The following PALM2AKAP2 variants were observed in gnomAD, a reference collection of about 807,000 sequenced individuals.
PALM2AKAP2 encodes the protein PALM2 and AKAP2 fusion, also known as PALM2-AKAP2 fusion protein.
A neutral mutation model predicts 71.5 loss-of-function variants in PALM2AKAP2; 37 were observed. That is an observed-to-expected ratio of 0.52 (90% CI 0.40 to 0.68). PALM2AKAP2 has a LOEUF of 0.68. PALM2AKAP2 is among the 30% of genes least tolerant of loss of function. PALM2AKAP2 has a pLI of 0.00. For synonymous variants in PALM2AKAP2, 468 were observed against 478.8 expected (o/e 0.98, Z 0.29); for missense variants, 1,224 against 1,191.8 (o/e 1.03, Z -0.40).
intron 1 of PALM2AKAP2, among the ~76,000 whole-genome samples, chr9:109,727,480 A>ATTACC (rs1828492908): frequency 6.6e-6 from 1 of 151,708 alleles, no homozygotes; most frequent in Non-Finnish European, 1.5e-5. Context: ...ACATTAAAAA[A>ATTACC]TTATTTTATA....
At chr9:110,111,391 C>T (rs1564311059) in intron 1 of PALM2AKAP2, among the ~76,000 whole-genome samples, 1 of 152,138 alleles carries the variant, frequency 6.6e-6, no homozygotes, top group Non-Finnish European at 1.5e-5. Context: ...CTACACCTGG[C>T]CTCAAGAAGT....
intron 1 of PALM2AKAP2, among the ~76,000 whole-genome samples, chr9:110,055,611 T>G (rs887241108): frequency 2.0e-5 from 3 of 152,190 alleles, no homozygotes; most frequent in Admixed American, 6.5e-5. Flanking sequence ...GTATTGGGAA[T>G]TAGTCTTCAA....
At position 110,057,380 on chromosome 9, in the gene PALM2AKAP2, TG is replaced by T. The variant is rs1159856428; in HGVS notation, c.156+8526del. On this transcript the variant is annotated intron_variant, in intron 1 of 3. Transcript: ENST00000374525. ...GCTCCTTCTCTGTTTTTTTTTTTTT[TG>T]TTTTTTTGTTTTTTTTTTTGCAACA... Among the ~76,000 whole-genome samples the T allele has an allele frequency of 4.3e-3, 365 of 84,596 alleles. 4 individuals are homozygous for T. The South Asian group carries it at 0.072, about 17-fold the overall frequency. 55.5% of individuals were successfully genotyped at this position (84,596 alleles called of 152,430 possible).
At chr9:110,171,436 T>A (rs759611589) in exon 4 of PALM2AKAP2, 1 of 152,262 alleles carries the variant, frequency 6.6e-6, no homozygotes, top group Non-Finnish European at 1.5e-5. Context: ...TCCGGATTAC[T>A]GCTGTCTATC....
chr9:109,754,462 G>A (rs1828929047), intron 1 of PALM2AKAP2, among the ~76,000 whole-genome samples: 1 of 152,142 alleles, frequency 6.6e-6, no homozygotes, highest in South Asian at 2.1e-4. Context: ...AGTATACAGT[G>A]TTGTTAATTA....
chr9:109,675,713 C>A lies in PALM2AKAP2; in HGVS notation c.5+34847C>A, dbSNP rs543811641. Among the ~76,000 whole-genome samples the A allele has an allele frequency of 3.9e-5, 6 of 152,248 alleles. No individual in the cohort carries two copies. The South Asian group carries it at 1.2e-3, about 32-fold the overall frequency. The stretch of plus-strand genomic sequence containing the variant: ...GTTTTAATTATAACATTTGTTCTTA[C>A]AAAGATGTTCATACATTTTTGACAG... On this transcript the variant is annotated intron_variant, in intron 1 of 6. Transcript: ENST00000374531.
At chr9:109,882,734 C>A (rs1406531337) in intron 3 of PALM2AKAP2, among the ~76,000 whole-genome samples, 1 of 152,008 alleles carries the variant, frequency 6.6e-6, no homozygotes, top group Non-Finnish European at 1.5e-5. Context: ...CGTCAAACTT[C>A]TGGACTTAAG....
chr9:109,700,186 C>T (rs1463013292), intron 1 of PALM2AKAP2, among the ~76,000 whole-genome samples: 2 of 152,132 alleles, frequency 1.3e-5, no homozygotes, highest in Non-Finnish European at 2.9e-5. Context: ...CAAATCTCAT[C>T]TTGAATTGTA....
At chr9:109,795,628 G>A (rs1256586489) in intron 1 of PALM2AKAP2, among the ~76,000 whole-genome samples, 2 of 152,200 alleles carry the variant, frequency 1.3e-5, no homozygotes, top group African/African-American at 2.4e-5. Flanking sequence ...TTGGAGAAAG[G>A]ACATTAAGAC....
intron 1 of PALM2AKAP2, among the ~76,000 whole-genome samples, chr9:109,690,065 A>C (rs1827860275): frequency 6.6e-6 from 1 of 150,864 alleles, no homozygotes; most frequent in South Asian, 2.1e-4. Flanking sequence ...GTGCTTATCC[A>C]TGGAGTGGTT....
chr9:110,137,125 C>T (rs1835899571), exon 2 of PALM2AKAP2: 1 of 1,613,428 alleles, frequency 6.2e-7, no homozygotes, highest in Non-Finnish European at 8.5e-7. Context: ...CGCAGCTCTG[C>T]ACAGCCCCTG....
intron 6 of PALM2AKAP2, among the ~76,000 whole-genome samples, chr9:109,970,308 A>G (rs1832041755): frequency 2.0e-5 from 3 of 152,226 alleles, no homozygotes; most frequent in African/African-American, 7.2e-5. Flanking sequence ...GGTTCTAAAC[A>G]TATTCTTTCC....
At chr9:110,066,018 A>G (rs1252473585) in intron 1 of PALM2AKAP2, among the ~76,000 whole-genome samples, 3 of 152,208 alleles carry the variant, frequency 2.0e-5, no homozygotes, top group Admixed American at 6.5e-5. Context: ...TAATCCATCT[A>G]TGAGGTCCTC....
In PALM2AKAP2 at chr9:110,002,862, A is replaced by G. The variant is rs112144694; in HGVS notation, c.497-13092A>G. ...CTCTGATGGTAGTTTGTATTTCTGTAGGATTGGTGGTGATATCCCCTTTAT... is the reference window on the plus strand; with the variant it reads ...CTCTGATGGTAGTTTGTATTTCTGTGGGATTGGTGGTGATATCCCCTTTAT... On this transcript the variant is annotated intron_variant, in intron 6 of 9. Coordinates refer to the PALM2AKAP2 transcript ENST00000302798. Among the ~76,000 whole-genome samples the G allele has an allele frequency of 1.7e-4, 26 of 152,194 alleles. No individual in the cohort carries two copies. The East Asian group carries it at 4.2e-3, about 25-fold the overall frequency.
At chr9:109,728,265 T>TA (rs1847037540) in intron 1 of PALM2AKAP2, among the ~76,000 whole-genome samples, 2 of 152,372 alleles carry the variant, frequency 1.3e-5, no homozygotes, top group South Asian at 4.1e-4. Flanking sequence ...AAGCACTTTA[T>TA]ATGCATTATA....
At chr9:109,833,210 C>T (rs1469144754) in intron 1 of PALM2AKAP2, among the ~76,000 whole-genome samples, 1 of 152,154 alleles carries the variant, frequency 6.6e-6, no homozygotes, top group Non-Finnish European at 1.5e-5. Context: ...CAAAAATTAT[C>T]TGGGTGTGGT....
At chr9:109,896,288 C>T (rs1830200666) in intron 3 of PALM2AKAP2, among the ~76,000 whole-genome samples, 1 of 152,278 alleles carries the variant, frequency 6.6e-6, no homozygotes, top group South Asian at 2.1e-4. Context: ...ATTACCTCCC[C>T]ACCAGGTCCC....
chr9:109,942,920 G>A (rs1831410709), intron 6 of PALM2AKAP2: 2 of 1,614,068 alleles, frequency 1.2e-6, no homozygotes, highest in African/African-American at 2.7e-5. Flanking sequence ...GGACAATCAA[G>A]CTTAGGAGGA....
intron 1 of PALM2AKAP2, among the ~76,000 whole-genome samples, chr9:109,799,022 G>A (rs894225154): frequency 1.3e-5 from 2 of 152,164 alleles, no homozygotes; most frequent in Non-Finnish European, 2.9e-5. Context: ...AAAGACTCAC[G>A]GATCCCCTTG....
Sources: gnomAD v4.1 joint callset for allele counts (sites outside exome capture counted in the v4.1 genomes callset) on GRCh38, gnomAD v4.1.1 for gene constraint, MANE v1.5 for transcripts, NCBI Gene and HGNC (gene_info 2026-07-23, HGNC 2026-07-21) for gene names.